The following FAT1 variants were observed in gnomAD, a reference collection of about 807,000 sequenced individuals.
The protein encoded by FAT1 is protocadherin Fat 1.
Under a neutral mutation model 329.8 loss-of-function variants are expected in FAT1, and 171 were observed. The ratio of observed to expected loss-of-function variants is 0.52; its 90% CI spans 0.46 to 0.59. FAT1 has a LOEUF of 0.59. Among genes scored for constraint, FAT1 ranks in the 20% least tolerant of loss-of-function variants. The pLI is 0.00. For missense variants in FAT1, 5,672 were observed against 5,774.4 expected, an observed-to-expected ratio of 0.98 and a Z score of 0.57; for synonymous variants, 2,233 against 2,228.6, an observed-to-expected ratio of 1.00 and a Z score of -0.06.
At chr4:186,691,904 CAT>C (rs1484849955) in intron 2 of FAT1, among the ~76,000 whole-genome samples, 3 of 152,014 alleles carry the variant, frequency 2.0e-5, no homozygotes, top group Non-Finnish European at 4.4e-5. Flanking sequence ...AAACAATAAA[CAT>C]GTATGCTTTA....
chr4:186,669,521 A>G (rs535658780), intron 2 of FAT1, among the ~76,000 whole-genome samples: 1 of 152,322 alleles, frequency 6.6e-6, no homozygotes, highest in Non-Finnish European at 1.5e-5. Flanking sequence ...TCGAGAATAC[A>G]GTGAAGTTGT....
intron 2 of FAT1, among the ~76,000 whole-genome samples, chr4:186,689,614 G>A (rs1743648452): frequency 6.6e-6 from 1 of 151,450 alleles, no homozygotes. Flanking sequence ...CAGGATCTAG[G>A]CCACCAGCCT....
chr4:186,702,694 C>T (rs1744386604), intron 2 of FAT1, among the ~76,000 whole-genome samples: 1 of 152,176 alleles, frequency 6.6e-6, no homozygotes, highest in African/African-American at 2.4e-5. Flanking sequence ...GCTAAGTACA[C>T]ATCAGCTAAG....
intron 2 of FAT1, among the ~76,000 whole-genome samples, chr4:186,688,394 C>T (rs559136198): frequency 7.2e-5 from 11 of 152,294 alleles, no homozygotes; most frequent in African/African-American, 2.6e-4. Context: ...GCTCCCTGAA[C>T]TGATTCCTGT....
At chr4:186,591,139 C>G (rs1738222311) in intron 26 of FAT1, among the ~76,000 whole-genome samples, 1 of 152,202 alleles carries the variant, frequency 6.6e-6, no homozygotes, top group African/African-American at 2.4e-5. Flanking sequence ...TTCAGGTTCT[C>G]TCTTTGAAAT....
intron 3 of FAT1, among the ~76,000 whole-genome samples, chr4:186,648,674 CT>C (rs1741490549): frequency 6.6e-6 from 1 of 152,118 alleles, no homozygotes; most frequent in African/African-American, 2.4e-5. Context: ...AGAAACTTTC[CT>C]ACCAAGGAAA....
At chr4:186,645,578 TA>T (rs1173472109) in intron 3 of FAT1, among the ~76,000 whole-genome samples, 1 of 151,258 alleles carries the variant, frequency 6.6e-6, no homozygotes, top group Non-Finnish European at 1.5e-5. Context: ...GGGGGTTCAA[TA>T]AATCTAGTAA....
intron 21 of FAT1, 43 bp from the exon 22 acceptor site, chr4:186,600,403 C>G (rs2126415821): frequency 1.3e-6 from 2 of 1,484,388 alleles, no homozygotes; most frequent in Non-Finnish European, 1.8e-6. Flanking sequence ...CTCATAGAAC[C>G]TTCAATGAGA....
chr4:186,665,406 A>G (rs56265069), intron 2 of FAT1, among the ~76,000 whole-genome samples: 2,279 of 152,154 alleles, frequency 0.015, 53 homozygotes, highest in African/African-American at 0.053. Flanking sequence ...GTGAGATGGT[A>G]TCTCATTGTG....
chr4:186,592,759 A>G, intron 26 of FAT1: 1 of 456,714 alleles, frequency 2.2e-6, no homozygotes, highest in Non-Finnish European at 4.4e-6. Flanking sequence ...GAAGCTTGCA[A>G]AAAGGTACAA....
chr4:186,604,276 T>C (rs1477621091), intron 18 of FAT1, 101 bp downstream of exon 18: 1 of 1,022,944 alleles, frequency 9.8e-7, no homozygotes, highest in Non-Finnish European at 1.4e-6. Flanking sequence ...GAAAGTTTGT[T>C]TTTGTATGAA....
intron 3 of FAT1, among the ~76,000 whole-genome samples, chr4:186,642,912 G>A (rs1741168770): frequency 6.6e-6 from 1 of 152,186 alleles, no homozygotes; most frequent in African/African-American, 2.4e-5. Context: ...ACGATTTTAA[G>A]GAGGACGTAC....
In FAT1 at chr4:186,707,253, A is replaced by G. The variant is rs2126686958; in HGVS notation, c.2575T>C (p.Tyr859His). 1 of 1,613,958 alleles carries G rather than the reference A, an allele frequency of 6.2e-7. No homozygotes were observed. The highest frequency in any genetic ancestry group is 8.5e-7 in the Non-Finnish European group (1 of 1,179,890). The change falls in exon 2 of 27, where the codon TAC (tyrosine) becomes CAC (histidine). Residue 859 changes from tyrosine (Y) to histidine (H), a missense_variant. This residue lies in a region of FAT1 where 3,966 missense variants were observed against 3,915.2 expected (regional missense o/e 1.01). Transcript: ENST00000441802. ...KDLGPNGHVTYSIVTDTDTFS... is the reference protein window; with the variant it reads ...KDLGPNGHVTHSIVTDTDTFS... ...GTGTCTGTGTCTGTAACAATTGAGT[A>G]CGTCACGTGTCCGTTGGGCCCCAGG...
At chr4:186,720,638 T>C (rs552290391) in intron 1 of FAT1, among the ~76,000 whole-genome samples, 3 of 152,324 alleles carry the variant, frequency 2.0e-5, no homozygotes, top group South Asian at 4.1e-4. Context: ...GGATCTCTTA[T>C]CACACTGGTC....
At chr4:186,645,962 A>AAAT (rs58163933) in intron 3 of FAT1, among the ~76,000 whole-genome samples, 2 of 94,568 alleles carry the variant, frequency 2.1e-5, no homozygotes, top group East Asian at 2.9e-4. Context: ...AAAAAAAAAA[A>AAAT]ATATATACAC....
At chr4:186,649,771 G>A (rs146818295) in intron 3 of FAT1, among the ~76,000 whole-genome samples, 1,567 of 152,246 alleles carry the variant, frequency 0.01, 58 homozygotes, top group Admixed American at 0.061. Context: ...ATGGAAAGTA[G>A]CCTTAGGGAA....
At chr4:186,635,604 G>C (rs922542861) in intron 6 of FAT1, among the ~76,000 whole-genome samples, 2 of 152,076 alleles carry the variant, frequency 1.3e-5, no homozygotes, top group Non-Finnish European at 2.9e-5. Context: ...AGTCACACAG[G>C]CATAGTTACT....
At chr4:186,688,133 A>G (rs1419498647) in intron 2 of FAT1, among the ~76,000 whole-genome samples, 3 of 150,518 alleles carry the variant, frequency 2.0e-5, no homozygotes, top group Non-Finnish European at 3.0e-5. Flanking sequence ...AAAAAAAAAA[A>G]GCCAACACTA....
At chr4:186,691,746 T>C (rs1743772089) in intron 2 of FAT1, among the ~76,000 whole-genome samples, 1 of 152,146 alleles carries the variant, frequency 6.6e-6, no homozygotes, top group South Asian at 2.1e-4. Flanking sequence ...AGTTCAAGGC[T>C]GCAGTAAGCC....
Sources: allele counts gnomAD v4.1 joint callset (sites outside exome capture counted in the v4.1 genomes callset), GRCh38; gene constraint gnomAD v4.1.1; regional missense constraint gnomAD v4.1.1; transcripts MANE v1.5; gene names NCBI Gene and HGNC (gene_info 2026-07-23, HGNC 2026-07-21).